The following SAMMSON variants were observed in gnomAD, a reference collection of about 807,000 sequenced individuals.
The protein encoded by SAMMSON is survival associated mitochondrial melanoma specific oncogenic non-coding RNA.
chr3:70,067,705 T>C (rs1339843730), intron 3 of SAMMSON, among the ~76,000 whole-genome samples: 3 of 152,066 alleles, frequency 2.0e-5, no homozygotes, highest in African/African-American at 7.2e-5. Flanking sequence ...TGAAATAAGA[T>C]AAGCTGCAGC....
chr3:70,363,600 G>A (rs924944515), intron 9 of SAMMSON, among the ~76,000 whole-genome samples: 3 of 152,020 alleles, frequency 2.0e-5, no homozygotes, highest in Admixed American at 6.6e-5. Flanking sequence ...GACTATGTAT[G>A]TGCATGAACA....
intron 7 of SAMMSON, among the ~76,000 whole-genome samples, chr3:70,299,228 C>T (rs1702321363): frequency 6.6e-6 from 1 of 151,928 alleles, no homozygotes; most frequent in African/African-American, 2.4e-5. Flanking sequence ...ATGTTTATTG[C>T]CCTAGAAAGG....
intron 2 of SAMMSON, among the ~76,000 whole-genome samples, chr3:70,397,030 G>A (rs1004956981): frequency 2.6e-5 from 4 of 152,016 alleles, no homozygotes. Context: ...TTGGACTGTG[G>A]ATCCTTATAT....
chr3:70,407,912 C>A, intron 2 of SAMMSON, among the ~76,000 whole-genome samples: 1 of 152,266 alleles, frequency 6.6e-6, no homozygotes, highest in East Asian at 1.9e-4. Context: ...CTGCAGCAAA[C>A]TTCTGCCTGG....
intron 7 of SAMMSON, among the ~76,000 whole-genome samples, chr3:70,330,121 A>G (rs1190142807): frequency 6.6e-6 from 1 of 151,956 alleles, no homozygotes; most frequent in Non-Finnish European, 1.5e-5. Context: ...TAAATTATCT[A>G]GTTAAAATTA....
chr3:70,079,483 T>C (rs957405418), intron 4 of SAMMSON, among the ~76,000 whole-genome samples: 1 of 152,194 alleles, frequency 6.6e-6, no homozygotes, highest in Admixed American at 6.5e-5. Flanking sequence ...GAAAGTGATA[T>C]GCATTCAGTA....
chr3:70,184,824 C>T (rs894932202), intron 4 of SAMMSON, among the ~76,000 whole-genome samples: 5 of 152,164 alleles, frequency 3.3e-5, no homozygotes, highest in Non-Finnish European at 7.3e-5. Flanking sequence ...CCTCTCAGCA[C>T]ACCACATTTT....
Position 70,252,995 on chromosome 3 carries a change from G to A in SAMMSON, n.674+3325G>A, listed in dbSNP as rs149445921. ...CTAGGGAGGCTGAGGCAAGAGAATC[G>A]CTTGAACCCAGTAGGTGGAGGTTGC... On this transcript the variant is annotated intron_variant and non_coding_transcript_variant, in intron 6 of 9. Coordinates refer to ENST00000642114, the Ensembl canonical transcript of SAMMSON. Among the ~76,000 whole-genome samples the A allele has an allele frequency of 1.2e-3, 181 of 152,156 alleles. 1 individual carries two copies. Among genetic ancestry groups the A allele is most frequent in the African/African-American group, 4.1e-3 (172 of 41,526 alleles).
intron 6 of SAMMSON, among the ~76,000 whole-genome samples, chr3:70,255,946 CTT>C (rs1170063320): frequency 2.0e-5 from 3 of 152,136 alleles, no homozygotes; most frequent in Non-Finnish European, 4.4e-5. Context: ...AATTGGTAAA[CTT>C]TTTACAACAC....
chr3:70,269,577 A>G lies in SAMMSON; in HGVS notation n.674+19907A>G, dbSNP rs186363288. Reference sequence around the variant, plus strand: ...GCAGGGTTGGAGTCTCTCTGAACCAATTTTGGTTCAGGGGCTGCCCAGTTC... The same window carrying G: ...GCAGGGTTGGAGTCTCTCTGAACCAGTTTTGGTTCAGGGGCTGCCCAGTTC... On this transcript the variant is annotated intron_variant and non_coding_transcript_variant, in intron 6 of 9. Coordinates refer to ENST00000642114, the Ensembl canonical transcript of SAMMSON. 3.3e-5 allele frequency among the ~76,000 whole-genome samples: 5 copies of G among 152,290 alleles called. No homozygotes were observed. The East Asian group carries it at 7.7e-4, about 23-fold the overall frequency.
rs1362976755 is a variant in SAMMSON at position 70,162,682 on chromosome 3, T to A, written n.508-86425T>A. Among the ~76,000 whole-genome samples the A allele has an allele frequency of 2.6e-5, 4 of 151,888 alleles. No individual in the cohort carries two copies. In the East Asian group the frequency reaches 7.7e-4, roughly 29 times the overall value. ...GGTAATAGTGTCCAAGTCTTCTATA[T>A]CCTTGCTGATTTTATGTCTAATTGT... On this transcript the variant is annotated intron_variant and non_coding_transcript_variant, in intron 4 of 9. Transcript: ENST00000642114.
chr3:70,172,513 CATATT>C (rs1177808507), intron 4 of SAMMSON: 1 of 151,856 alleles, frequency 6.6e-6, no homozygotes, highest in Non-Finnish European at 1.5e-5. Flanking sequence ...GGTTTTATTT[CATATT>C]ATTTGAAGAG....
At chr3:70,224,144 T>G (rs1259457287) in intron 4 of SAMMSON, among the ~76,000 whole-genome samples, 2 of 152,068 alleles carry the variant, frequency 1.3e-5, no homozygotes, top group Non-Finnish European at 1.5e-5. Flanking sequence ...GGGAAAATAA[T>G]TGAATGTGGA....
At chr3:70,339,646 T>G (rs1296059322) in intron 7 of SAMMSON, among the ~76,000 whole-genome samples, 2 of 152,104 alleles carry the variant, frequency 1.3e-5, no homozygotes, top group African/African-American at 4.8e-5. Context: ...AACAGACACA[T>G]GAAAAAATGT....
intron 6 of SAMMSON, among the ~76,000 whole-genome samples, chr3:70,286,754 C>A (rs1387886024): frequency 6.6e-6 from 1 of 152,122 alleles, no homozygotes; most frequent in East Asian, 1.9e-4. Flanking sequence ...GTTTGTAGTT[C>A]TCCTTGAAGA....
At chr3:70,287,754 C>A (rs1186793349) in intron 6 of SAMMSON, among the ~76,000 whole-genome samples, 1 of 151,512 alleles carries the variant, frequency 6.6e-6, no homozygotes, top group Admixed American at 6.6e-5. Flanking sequence ...TTGGTCTATT[C>A]AGAGATTCAA....
At chr3:70,058,469 G>A (rs2067175721) in intron 3 of SAMMSON, among the ~76,000 whole-genome samples, 1 of 152,004 alleles carries the variant, frequency 6.6e-6, no homozygotes, top group Non-Finnish European at 1.5e-5. Flanking sequence ...AAGCTATGGG[G>A]AAAATTTCAG....
At chr3:70,183,429 T>C (rs1014714473) in intron 4 of SAMMSON, 1 of 152,166 alleles carries the variant, frequency 6.6e-6, no homozygotes. Flanking sequence ...TGGAACACAG[T>C]CCTTTTTTCT....
chr3:70,136,826 T>A (rs545540964), intron 4 of SAMMSON, among the ~76,000 whole-genome samples: 1 of 49,552 alleles, frequency 2.0e-5, no homozygotes, highest in African/African-American at 7.1e-5. Flanking sequence ...ACTTAAGACA[T>A]TTTATGTCAT....
Sources: gnomAD v4.1 joint callset for allele counts (sites outside exome capture counted in the v4.1 genomes callset) on GRCh38, gnomAD v4.1.1 for gene constraint, MANE v1.5 for transcripts, NCBI Gene and HGNC (gene_info 2026-07-23, HGNC 2026-07-21) for gene names.